SPAST: variants seen among roughly 807,000 people sequenced by gnomAD.
The protein encoded by SPAST is spastin.
Under a neutral mutation model 76.6 loss-of-function variants are expected in SPAST, and 30 were observed. That is an observed-to-expected ratio of 0.39 (90% CI 0.29 to 0.53). The LOEUF is 0.53. Among genes scored for constraint, SPAST ranks in the 20% least tolerant of loss-of-function variants. The probability of loss-of-function intolerance (pLI) is 0.68; values close to 1 mark genes in which losing one functional copy is unlikely to be tolerated. For synonymous variants in SPAST, 305 were observed against 281.0 expected (o/e 1.09, Z -0.86); for missense variants, 717 against 770.5 (o/e 0.93, Z 0.82).
At chr2:32,140,810 T>G (rs1213793417) in intron 12 of SPAST, among the ~76,000 whole-genome samples, 4 of 145,628 alleles carry the variant, frequency 2.7e-5, no homozygotes, top group Non-Finnish European at 6.2e-5. Context: ...TTATTTTATT[T>G]CGTGGAAAGA....
intron 8 of SPAST, 150 bp downstream of exon 8, chr2:32,127,172 G>T: frequency 1.4e-6 from 1 of 690,924 alleles, no homozygotes; most frequent in Non-Finnish European, 2.6e-6. Context: ...GTTTTGTTTT[G>T]TTTTGAGTGA....
At chr2:32,065,103 T>C (rs1433787148) in intron 1 of SPAST, among the ~76,000 whole-genome samples, 1 of 151,728 alleles carries the variant, frequency 6.6e-6, no homozygotes, top group African/African-American at 2.4e-5. Flanking sequence ...CACTGCAACC[T>C]CCGACTCCCT....
intron 4 of SPAST, among the ~76,000 whole-genome samples, chr2:32,107,922 C>T (rs955951417): frequency 3.3e-5 from 5 of 152,230 alleles, no homozygotes; most frequent in South Asian, 2.1e-4. Flanking sequence ...TCTTTCACCT[C>T]TCTTGGGAAA....
At chr2:32,086,787 T>C (rs957748564) in intron 1 of SPAST, among the ~76,000 whole-genome samples, 1 of 152,064 alleles carries the variant, frequency 6.6e-6, no homozygotes, top group African/African-American at 2.4e-5. Flanking sequence ...TCTAAGAAGT[T>C]AATTTTCATT....
Position 32,121,284 on chromosome 2 carries a change from C to G in SPAST, c.1098+5072C>G, listed in dbSNP as rs138795215. On this transcript the variant is annotated intron_variant, in intron 7 of 16. Transcript: ENST00000315285. ...TCTCCTGCCTCAGCCTCCCGAGTAG[C>G]TGGGATTACAGGCATCTGCCACCAC... Among the ~76,000 whole-genome samples the G allele has an allele frequency of 8.0e-3, 1,216 of 152,036 alleles. 6 individuals are homozygous for G. Among genetic ancestry groups the G allele is most frequent in the Non-Finnish European group, 0.014 (953 of 67,974 alleles).
chr2:32,088,831 T>C (rs1677597468), intron 2 of SPAST, among the ~76,000 whole-genome samples: 1 of 152,192 alleles, frequency 6.6e-6, no homozygotes, highest in Non-Finnish European at 1.5e-5. Context: ...ACAATATTAA[T>C]ATCTGTGACC....
At chr2:32,113,381 G>A (rs1357711437) in intron 4 of SPAST, among the ~76,000 whole-genome samples, 10 of 151,476 alleles carry the variant, frequency 6.6e-5, no homozygotes, top group African/African-American at 1.2e-4. Flanking sequence ...TACTGCACCC[G>A]GCCTAAAATT....
intron 7 of SPAST, among the ~76,000 whole-genome samples, chr2:32,124,569 A>C (rs559224241): frequency 1.3e-5 from 2 of 152,206 alleles, no homozygotes; most frequent in Non-Finnish European, 2.9e-5. Flanking sequence ...TAAAATGTAC[A>C]TCCAATAAAA....
In SPAST at chr2:32,144,995, G is replaced by A. The variant is rs878854992; in HGVS notation, c.1675G>A (p.Gly559Ser). 25 of 1,611,050 alleles carry A rather than the reference G, an allele frequency of 1.6e-5. No homozygotes were observed. The highest frequency in any genetic ancestry group is 1.9e-5 in the Non-Finnish European group (22 of 1,177,778). Reference sequence around the variant, plus strand: ...AGCTTTGGCAAAAGATGCAGCACTGGGTCCTATCCGAGGTAGGTATACAAG... The same window carrying A: ...AGCTTTGGCAAAAGATGCAGCACTGAGTCCTATCCGAGGTAGGTATACAAG... The part of the protein sequence containing the change: ...LTALAKDAAL[G>S]PIRELKPEQV... The change falls in exon 15 of 17, where the codon GGT becomes AGT. Residue 559 changes from glycine to serine, a missense_variant. Physicochemically the swap from Gly to Ser is moderately conservative, Grantham distance 56. This residue lies in a region of SPAST where 96 missense variants were observed against 127.6 expected (regional missense o/e 0.75). Coordinates refer to ENST00000315285, the MANE Select transcript of SPAST (RefSeq NM_014946.4).
intron 4 of SPAST, among the ~76,000 whole-genome samples, chr2:32,108,658 C>T (rs977815538): frequency 6.6e-6 from 1 of 151,144 alleles, no homozygotes; most frequent in African/African-American, 2.4e-5. Flanking sequence ...CCCATGTTGG[C>T]CAGTCTGGTC....
intron 1 of SPAST, among the ~76,000 whole-genome samples, chr2:32,075,918 T>TTTGGGGGGG (rs33998383): frequency 6.9e-6 from 1 of 144,084 alleles, no homozygotes; most frequent in Admixed American, 7.0e-5. Context: ...TTTTTTTTTT[T>TTTGGGGGGG]GAGACAGAGT....
chr2:32,140,596 G>A (rs988051932), intron 12 of SPAST, among the ~76,000 whole-genome samples: 1 of 151,616 alleles, frequency 6.6e-6, no homozygotes. Flanking sequence ...TAGCCTGGGG[G>A]ACAGAGCAAG....
chr2:32,127,244 A>G, intron 8 of SPAST: 1 of 527,132 alleles, frequency 1.9e-6, no homozygotes, highest in East Asian at 3.4e-5. Flanking sequence ...CAGCCTCCCA[A>G]GTAGCTGGGA....
At chr2:32,091,468 G>A (rs933412847) in intron 3 of SPAST, among the ~76,000 whole-genome samples, 1 of 150,236 alleles carries the variant, frequency 6.7e-6, no homozygotes, top group Admixed American at 6.6e-5. Flanking sequence ...GTAGGGACGG[G>A]GTTTCACCAT....
chr2:32,076,957 C>A (rs1242616035), intron 1 of SPAST, among the ~76,000 whole-genome samples: 1 of 151,938 alleles, frequency 6.6e-6, no homozygotes, highest in Non-Finnish European at 1.5e-5. Flanking sequence ...CTCACTGCAA[C>A]CTCTGTTTCC....
intron 3 of SPAST, among the ~76,000 whole-genome samples, chr2:32,090,071 A>G (rs1240938099): frequency 1.3e-5 from 2 of 152,192 alleles, no homozygotes. Flanking sequence ...GCCGAGCATA[A>G]TGAACTTCTA....
chr2:32,147,152 T>C (rs538926080), intron 15 of SPAST, 66 bp from the exon 16 acceptor site: 641 of 1,037,486 alleles, frequency 6.2e-4, no homozygotes, highest in Non-Finnish European at 9.0e-4. Context: ...TACTTGGTTT[T>C]GCCCTTCAAC....
At position 32,063,994 on chromosome 2, in the gene SPAST, T is replaced by C; in HGVS notation, c.163T>C (p.Tyr55His). ...TAAGCGGAACCTGTACTATTTCTCC[T>C]ACCCGCTGTTTGTAGGCTTCGCGCT... is the stretch of plus-strand genomic sequence containing the variant. The part of the protein sequence containing the change: ...PHKRNLYYFS[Y>H]PLFVGFALLR... Residue 55 changes from tyrosine to histidine, a missense_variant, in exon 1 of 17, where the codon TAC (tyrosine) becomes CAC (histidine). Transcript: ENST00000315285. 1.2e-6 allele frequency: 2 copies of C among 1,612,966 alleles called. No homozygotes were observed. Among genetic ancestry groups the C allele is most frequent in the South Asian group, 2.2e-5 (2 of 91,042 alleles).
At chr2:32,146,618 G>A (rs1274595423) in intron 15 of SPAST, among the ~76,000 whole-genome samples, 3 of 152,138 alleles carry the variant, frequency 2.0e-5, no homozygotes, top group East Asian at 3.9e-4. Context: ...TGTAATCCCA[G>A]CACTTTGGGA....
Sources: allele counts gnomAD v4.1 joint callset (sites outside exome capture counted in the v4.1 genomes callset), GRCh38; gene constraint gnomAD v4.1.1; regional missense constraint gnomAD v4.1.1; transcripts MANE v1.5; gene names NCBI Gene and HGNC (gene_info 2026-07-23, HGNC 2026-07-21).